The following RBPMS variants were observed in gnomAD, a reference collection of about 807,000 sequenced individuals.
RBPMS encodes the protein RNA-binding protein with multiple splicing.
In RBPMS, 7 loss-of-function variants were observed where a neutral mutation model predicts 26.8. The observed-to-expected ratio is 0.26, with a 90% CI of 0.15 to 0.49. The LOEUF (loss-of-function observed/expected upper bound fraction) is 0.49, where lower values mean the gene tolerates loss of function less well. RBPMS is among the 20% of genes least tolerant of loss of function. The pLI is 0.98. For synonymous variants in RBPMS, 96 were observed against 93.3 expected, an observed-to-expected ratio of 1.03 and a Z score of -0.17; for missense variants, 186 against 250.0, an observed-to-expected ratio of 0.74 and a Z score of 1.73.
chr8:30,534,323 G>C (rs1229426592), intron 5 of RBPMS, among the ~76,000 whole-genome samples: 1 of 152,144 alleles, frequency 6.6e-6, no homozygotes, highest in Middle Eastern at 3.2e-3. Context: ...TCTGTAAAAT[G>C]GAAATACTAG....
intron 4 of RBPMS, among the ~76,000 whole-genome samples, chr8:30,479,770 C>CT (rs1029845346): frequency 1.3e-5 from 2 of 150,968 alleles, no homozygotes; most frequent in Admixed American, 6.6e-5. Context: ...GAAATCCTGG[C>CT]TTTTTTTATT....
intron 4 of RBPMS, among the ~76,000 whole-genome samples, chr8:30,481,933 A>G (rs907609809): frequency 1.3e-5 from 2 of 152,248 alleles, no homozygotes; most frequent in African/African-American, 4.8e-5. Flanking sequence ...CTAGGAGGCA[A>G]CTAAAAGTAA....
chr8:30,497,598 G>T (rs570144897), intron 4 of RBPMS, among the ~76,000 whole-genome samples: 59 of 151,456 alleles, frequency 3.9e-4, no homozygotes, highest in African/African-American at 1.3e-3. Flanking sequence ...CTAGAAAATG[G>T]TTTTTTTTGT....
chr8:30,566,401 A>AT (rs1439447879), intron 8 of RBPMS, 41 bp downstream of exon 8: 1 of 686,484 alleles, frequency 1.5e-6, no homozygotes. Context: ...CAGGGGCGGC[A>AT]TGGCGAACAC....
intron 4 of RBPMS, among the ~76,000 whole-genome samples, chr8:30,486,454 T>C (rs1450702277): frequency 6.7e-6 from 1 of 149,148 alleles, no homozygotes; most frequent in Non-Finnish European, 1.5e-5. Context: ...AAACCCCGTC[T>C]CTACTAAAAG....
chr8:30,387,153 C>T (rs1807206257), intron 1 of RBPMS: 1 of 152,086 alleles, frequency 6.6e-6, no homozygotes, highest in Non-Finnish European at 1.5e-5. Context: ...AAGTATCGGT[C>T]TTTTTAGCAA....
intron 1 of RBPMS, among the ~76,000 whole-genome samples, chr8:30,421,784 G>A (rs1168545406): frequency 2.6e-5 from 4 of 151,876 alleles, no homozygotes; most frequent in Admixed American, 1.3e-4. Flanking sequence ...GTGAAATCCC[G>A]TCTCTACTAA....
intron 5 of RBPMS, chr8:30,537,482 G>C: frequency 2.2e-6 from 1 of 446,262 alleles, no homozygotes; most frequent in South Asian, 1.6e-5. Context: ...AAGTCAGTCT[G>C]GCTGAGAACC....
intron 7 of RBPMS, chr8:30,564,767 C>T (rs535646898): frequency 1.3e-5 from 2 of 152,522 alleles, no homozygotes; most frequent in Admixed American, 1.3e-4. Context: ...TCTGGGGGCT[C>T]CGCGACTCCT....
At chr8:30,486,420 T>C (rs1818789251) in intron 4 of RBPMS, among the ~76,000 whole-genome samples, 1 of 150,978 alleles carries the variant, frequency 6.6e-6, no homozygotes, top group Admixed American at 6.6e-5. Flanking sequence ...GCCCCTACTT[T>C]TTACCAGGCT....
intron 5 of RBPMS, among the ~76,000 whole-genome samples, chr8:30,506,336 T>TAAAAAAAA: frequency 7.6e-6 from 1 of 132,132 alleles, no homozygotes; most frequent in African/African-American, 2.9e-5. Context: ...ATTTGAAGTT[T>TAAAAAAAA]AAAAAAAAAA....
At chr8:30,420,850 T>TCA (rs1222264618) in intron 1 of RBPMS, among the ~76,000 whole-genome samples, 5 of 152,174 alleles carry the variant, frequency 3.3e-5, no homozygotes, top group Non-Finnish European at 7.4e-5. Flanking sequence ...AGTTCAGAGT[T>TCA]GAAGGGTCAT....
intron 1 of RBPMS, among the ~76,000 whole-genome samples, chr8:30,412,966 G>A (rs528796393): frequency 2.6e-5 from 4 of 152,182 alleles, no homozygotes; most frequent in Admixed American, 1.3e-4. Flanking sequence ...CCCAAGAACC[G>A]TATTTGTTTA....
chr8:30,409,502 T>C (rs1809037782), intron 1 of RBPMS, among the ~76,000 whole-genome samples: 1 of 152,042 alleles, frequency 6.6e-6, no homozygotes, highest in East Asian at 1.9e-4. Flanking sequence ...CTAGAGTGTT[T>C]TCTTTAATCT....
rs747400611 is a variant in RBPMS, at chr8:30,477,796, C to T, written c.145-3C>T. The stretch of plus-strand genomic sequence containing the variant: ...GCTAAACTTGGTTTTTCTTTATTTT[C>T]AGGGCTATGAGGGTTCTCTTATAAA... On this transcript the variant is annotated splice_polypyrimidine_tract_variant and splice_region_variant and intron_variant, in intron 2 of 8. Transcript: ENST00000397323. The T allele has an allele frequency of 1.2e-6, 2 of 1,605,072 alleles. No homozygotes were observed. The highest frequency in any genetic ancestry group is 8.5e-7 in the Non-Finnish European group (1 of 1,172,716).
intron 1 of RBPMS, among the ~76,000 whole-genome samples, chr8:30,436,449 A>G (rs1359635465): frequency 6.6e-6 from 1 of 152,082 alleles, no homozygotes; most frequent in Non-Finnish European, 1.5e-5. Flanking sequence ...TAGGCTAACC[A>G]TCTCTACCTC....
rs1563452313 is a variant in RBPMS at position 30,559,057 on chromosome 8, C to A, written c.*7+101C>A. 4 of 869,248 alleles carry A rather than the reference C, an allele frequency of 4.6e-6. No individual in the cohort carries two copies. The East Asian group carries it at 7.4e-5, about 16-fold the overall frequency. 53.8% of individuals were successfully genotyped at this position (869,248 alleles called of 1,614,324 possible). On this transcript the variant is annotated intron_variant, in intron 7 of 8. Transcript: ENST00000397323. The stretch of plus-strand genomic sequence containing the variant: ...AGCTCTCCTCCTTTCTCTGCACCCA[C>A]ACCTTATGCACCTCCTTTGTCCATC...
intron 5 of RBPMS, among the ~76,000 whole-genome samples, chr8:30,525,813 G>A (rs1823521124): frequency 6.6e-6 from 1 of 152,228 alleles, no homozygotes; most frequent in Non-Finnish European, 1.5e-5. Context: ...TCTGCAGGTT[G>A]CAGCTCCTCC....
At position 30,545,474 on chromosome 8, in the gene RBPMS, G is replaced by A. The variant is rs16877125; in HGVS notation, c.528+850G>A. On this transcript the variant is annotated intron_variant, in intron 6 of 8. Transcript: ENST00000397323. ...CCAGTAACAAATAGAAAGTACGTAC[G>A]TAGGTTTCATTTGTCTTTCTGCATG... is the stretch of plus-strand genomic sequence containing the variant. 4.5e-3 allele frequency: 4,501 copies of A among 989,268 alleles called. 170 individuals carry two copies. In the African/African-American group the frequency reaches 0.072, roughly 16 times the overall value. 61.3% of individuals were successfully genotyped at this position (989,268 alleles called of 1,614,324 possible). A position where few individuals can be genotyped will look rare whatever the true frequency, so the allele number is the denominator to read the frequency against.
Sources: gnomAD v4.1 joint callset for allele counts (sites outside exome capture counted in the v4.1 genomes callset) on GRCh38, gnomAD v4.1.1 for gene constraint, MANE v1.5 for transcripts, NCBI Gene and HGNC (gene_info 2026-07-23, HGNC 2026-07-21) for gene names.